Variants in FRMPD4 observed in about 807,000 individuals in gnomAD.
The protein encoded by FRMPD4 is FERM and PDZ domain containing 4, also known as FERM and PDZ domain-containing protein 4.
FRMPD4 carries 22 observed loss-of-function variants against 94.1 expected under a neutral mutation model. The observed-to-expected ratio is 0.23, with a 90% CI of 0.17 to 0.33. FRMPD4 has a LOEUF of 0.33. Ranked by LOEUF, FRMPD4 falls within the 10% of genes least tolerant of loss-of-function variation. The pLI is 1.00. For missense variants in FRMPD4, 1,111 were observed against 1,339.9 expected (o/e 0.83, Z 2.67); for synonymous variants, 631 against 548.6 (o/e 1.15, Z -2.10).
rs1034174680 is a variant in FRMPD4, at chrX:12,678,654, C to T, written c.468+3746C>T. On this transcript the variant is annotated intron_variant, in intron 5 of 16. Transcript: ENST00000675598. ...CAGCCTGATCAACATGGAGAAACCC[C>T]GTCTCTACTAAAAATACAAAATTAG... Among the ~76,000 whole-genome samples the T allele has an allele frequency of 1.1e-4, 12 of 111,629 alleles. No homozygotes were observed. In the East Asian group the frequency reaches 2.8e-3, roughly 26 times the overall value.
chrX:12,068,858 A>G (rs1051405851), intron 3 of FRMPD4, among the ~76,000 whole-genome samples: 3 of 112,513 alleles, frequency 2.7e-5, no homozygotes, highest in South Asian at 3.7e-4. Flanking sequence ...AGTGTCTACC[A>G]TATGTCAGAC....
chrX:11,966,407 CTT>C (rs2054309701), intron 3 of FRMPD4, among the ~76,000 whole-genome samples: 1 of 111,639 alleles, frequency 9.0e-6, no homozygotes, highest in Non-Finnish European at 1.9e-5. Flanking sequence ...CCACCAAACA[CTT>C]AATCTGTTGG....
chrX:12,362,498 T>A (rs2056008189), intron 1 of FRMPD4, among the ~76,000 whole-genome samples: 2 of 111,399 alleles, frequency 1.8e-5, no homozygotes, highest in Admixed American at 9.5e-5. Flanking sequence ...GAATGATGGT[T>A]TCCAGCTTCA....
intron 4 of FRMPD4, among the ~76,000 whole-genome samples, chrX:12,671,194 A>G (rs1199907671): frequency 1.8e-5 from 2 of 111,745 alleles, no homozygotes; most frequent in Non-Finnish European, 3.8e-5. Flanking sequence ...CTCAAGGGTC[A>G]GAACTAGAAA....
chrX:12,367,662 A>C (rs1235537068), intron 1 of FRMPD4, among the ~76,000 whole-genome samples: 1 of 111,098 alleles, frequency 9.0e-6, no homozygotes, highest in Non-Finnish European at 1.9e-5. Context: ...CATGAGGGAA[A>C]GGAGATGCTT....
intron 3 of FRMPD4, among the ~76,000 whole-genome samples, chrX:12,030,348 A>C (rs1377052812): frequency 8.9e-6 from 1 of 112,365 alleles, no homozygotes; most frequent in African/African-American, 3.2e-5. Flanking sequence ...TGATGGAGTA[A>C]ACTTGCAAAT....
chrX:12,684,945 G>A (rs1040033100), intron 6 of FRMPD4, among the ~76,000 whole-genome samples: 9 of 111,610 alleles, frequency 8.1e-5, no homozygotes, highest in African/African-American at 2.3e-4. Flanking sequence ...GTTCGGTCAC[G>A]TGGATGCTCC....
At chrX:12,243,790 C>CTTTTTTTT (rs148889684) in intron 1 of FRMPD4, among the ~76,000 whole-genome samples, 1 of 22,914 alleles carries the variant, frequency 4.4e-5, no homozygotes, top group African/African-American at 2.0e-4. Flanking sequence ...ATCTAAAGGG[C>CTTTTTTTT]TTTTTTTTTT....
intron 1 of FRMPD4, among the ~76,000 whole-genome samples, chrX:12,241,930 A>C (rs2053880484): frequency 1.1e-5 from 1 of 94,059 alleles, no homozygotes; most frequent in African/African-American, 3.7e-5. Context: ...AAGGAGAAGG[A>C]GAAGGAGGGG....
chrX:12,680,315 G>T (rs759423510), intron 5 of FRMPD4, among the ~76,000 whole-genome samples: 1 of 112,225 alleles, frequency 8.9e-6, no homozygotes, highest in African/African-American at 3.2e-5. Flanking sequence ...AGGATATGAA[G>T]TGCTTGTGAT....
At chrX:12,694,314 G>A in intron 8 of FRMPD4, 21 bp from the exon 9 acceptor site, 1 of 1,195,864 alleles carries the variant, frequency 8.4e-7, no homozygotes. Context: ...GGGTTCTTGT[G>A]TGATTGGTCT....
intron 3 of FRMPD4, among the ~76,000 whole-genome samples, chrX:12,021,983 C>T (rs962383608): frequency 1.6e-4 from 18 of 111,997 alleles, no homozygotes; most frequent in African/African-American, 5.5e-4. Flanking sequence ...TCTGCTGTGT[C>T]ACCATGGGCA....
chrX:12,193,866 G>A (rs999726394), intron 1 of FRMPD4, among the ~76,000 whole-genome samples: 4 of 87,205 alleles, frequency 4.6e-5, no homozygotes, highest in Non-Finnish European at 8.8e-5. Flanking sequence ...AGGAAGGAAG[G>A]AAGAGAGAGA....
At chrX:12,286,563 T>G (rs4411076) in intron 1 of FRMPD4, among the ~76,000 whole-genome samples, 48 of 112,486 alleles carry the variant, frequency 4.3e-4, no homozygotes, top group African/African-American at 1.5e-3. Flanking sequence ...ATTTTGTGAT[T>G]AGCAGAATGT....
chrX:12,503,356 A>G (rs1160538565), intron 2 of FRMPD4, among the ~76,000 whole-genome samples: 3 of 111,646 alleles, frequency 2.7e-5, no homozygotes, highest in Non-Finnish European at 5.6e-5. Context: ...CTGTATGAGG[A>G]TTGGACAAGA....
intron 3 of FRMPD4, among the ~76,000 whole-genome samples, chrX:12,033,661 A>G (rs1239952040): frequency 9.0e-6 from 1 of 111,693 alleles, no homozygotes; most frequent in Admixed American, 9.5e-5. Flanking sequence ...TGTCATACAC[A>G]GAGGAGGTAT....
intron 1 of FRMPD4, among the ~76,000 whole-genome samples, chrX:12,277,085 C>T (rs1601769979): frequency 1.1e-5 from 1 of 95,070 alleles, no homozygotes; most frequent in Admixed American, 1.2e-4. Flanking sequence ...CCCGCCACTG[C>T]ACTCCAGCCT....
At chrX:12,282,572 A>G (rs1029556340) in intron 1 of FRMPD4, among the ~76,000 whole-genome samples, 1 of 111,323 alleles carries the variant, frequency 9.0e-6, no homozygotes, top group Non-Finnish European at 1.9e-5. Flanking sequence ...ACTAGATTCA[A>G]ACAAATCTAG....
chrX:11,838,166 G>A (rs1379673628), intron 1 of FRMPD4, among the ~76,000 whole-genome samples: 2 of 111,380 alleles, frequency 1.8e-5, no homozygotes, highest in African/African-American at 6.5e-5. Flanking sequence ...ACAAAGATCT[G>A]CTACATATTT....
Sources: allele counts gnomAD v4.1 joint callset (sites outside exome capture counted in the v4.1 genomes callset), GRCh38; gene constraint gnomAD v4.1.1; transcripts MANE v1.5; gene names NCBI Gene and HGNC (gene_info 2026-07-23, HGNC 2026-07-21).